The following KLHL15 variants were observed in gnomAD, a reference collection of about 807,000 sequenced individuals.
The protein encoded by KLHL15 is kelch-like protein 15.
KLHL15 carries 1 observed loss-of-function variant against 29.3 expected under a neutral mutation model. The observed-to-expected ratio is 0.03, with a 90% CI of 0.01 to 0.16. The LOEUF (loss-of-function observed/expected upper bound fraction) is 0.16. Ranked by LOEUF, KLHL15 falls within the 10% of genes least tolerant of loss-of-function variation. The pLI is 1.00. For synonymous variants in KLHL15, 212 were observed against 184.5 expected, an observed-to-expected ratio of 1.15 and a Z score of -1.21; for missense variants, 215 against 478.5, an observed-to-expected ratio of 0.45 and a Z score of 5.14.
In KLHL15 at chrX:23,986,074, T is replaced by C. The variant is rs1431369677; in HGVS notation, c.*1847A>G. ...TCTCATATATAAAATAAGATTATTA[T>C]TGATTTTTGAAATCAATGCCAATGG... is the stretch of plus-strand genomic sequence containing the variant. On this transcript the variant is annotated 3_prime_UTR_variant, in exon 4 of 4. Coordinates refer to ENST00000328046, the MANE Select transcript of KLHL15 (RefSeq NM_030624.3). 9.2e-6 allele frequency: 1 copy of C among 109,139 alleles called. No homozygotes were observed. The highest frequency in any genetic ancestry group is 3.3e-5 in the African/African-American group (1 of 30,658). The allele number at this position is 109,139 out of a possible 1,213,427, so 9.0% of individuals were successfully genotyped here.
chrX:23,984,885 G>A lies in KLHL15; in HGVS notation c.*3036C>T, dbSNP rs1928959279. ...TTAGAAAAGATAAGTGAAGGGCTCA[G>A]TCAGTATTTCACAAATTCTAGTAAC... On this transcript the variant is annotated 3_prime_UTR_variant, in exon 4 of 4. Transcript: ENST00000328046. 1 of 112,283 alleles carries A rather than the reference G, an allele frequency of 8.9e-6. No individual in the cohort carries two copies. Among genetic ancestry groups the A allele is most frequent in the South Asian group, 3.6e-4 (1 of 2,763 alleles). 9.3% of individuals were successfully genotyped at this position (112,283 alleles called of 1,213,427 possible).
chrX:23,991,076 G>A (rs780652356), intron 3 of KLHL15, among the ~76,000 whole-genome samples: 2 of 110,221 alleles, frequency 1.8e-5, no homozygotes, highest in Non-Finnish European at 3.8e-5. Context: ...ACATTGGCCA[G>A]GCACGGTGGC....
At chrX:23,989,193 C>CTTT (rs780131307) in intron 3 of KLHL15, among the ~76,000 whole-genome samples, 163 bp from the exon 4 acceptor site, 2 of 101,472 alleles carry the variant, frequency 2.0e-5, no homozygotes, top group African/African-American at 7.2e-5. Context: ...TTTAAAAAAT[C>CTTT]TTTTTTTTTT....
At position 24,026,020 on chromosome X, in the gene KLHL15, C is replaced by T. The variant is rs772762710; in HGVS notation, c.-209-962G>A. Among the ~76,000 whole-genome samples, 140 of 111,087 alleles carry T rather than the reference C, an allele frequency of 1.3e-3. 2 individuals carry two copies. The highest frequency in any genetic ancestry group is 4.4e-3 in the African/African-American group (136 of 30,686). The stretch of plus-strand genomic sequence containing the variant: ...AAGCCAGGAAAGTGTCTTTTTGCAT[C>T]TTGGCCACGGTGGGGGTGGGGGAAT... On this transcript the variant is annotated intron_variant, in intron 1 of 3. Transcript: ENST00000328046.
chrX:24,003,365 G>A (rs1167703691), intron 3 of KLHL15, among the ~76,000 whole-genome samples: 1 of 102,425 alleles, frequency 9.8e-6, no homozygotes, highest in Non-Finnish European at 1.9e-5. Flanking sequence ...CTAACACAGT[G>A]AAACCCCGTC....
chrX:23,998,941 T>C (rs975724099), intron 3 of KLHL15, among the ~76,000 whole-genome samples: 1 of 111,529 alleles, frequency 9.0e-6, no homozygotes, highest in Non-Finnish European at 1.9e-5. Context: ...GTTTCGCTCT[T>C]GCTGCCCAGG....
At chrX:24,020,166 G>A (rs2147111468) in intron 2 of KLHL15, among the ~76,000 whole-genome samples, 1 of 112,190 alleles carries the variant, frequency 8.9e-6, no homozygotes, top group African/African-American at 3.2e-5. Context: ...GGCTTACTAC[G>A]GATAAAAACA....
intron 2 of KLHL15, among the ~76,000 whole-genome samples, chrX:24,018,977 C>G (rs942412800): frequency 2.7e-5 from 3 of 111,192 alleles, no homozygotes; most frequent in South Asian, 3.8e-4. Context: ...CCAGCCAGGG[C>G]GACAGAGCAA....
chrX:23,995,028 G>A (rs1911005766), intron 3 of KLHL15, among the ~76,000 whole-genome samples: 1 of 111,115 alleles, frequency 9.0e-6, no homozygotes, highest in Non-Finnish European at 1.9e-5. Context: ...TTAATTGTGT[G>A]TGCATGTATG....
rs1181456733 is a variant in KLHL15 at position 23,988,042 on chromosome X, G to A, written c.1694C>T (p.Pro565Leu). 5.0e-6 allele frequency: 6 copies of A among 1,210,866 alleles called. No homozygotes were observed. The highest frequency in any genetic ancestry group is 6.7e-6 in the Non-Finnish European group (6 of 895,158). ...HYSDSILTFDPDENKWKEDEY... is the reference protein window; with the variant it reads ...HYSDSILTFDLDENKWKEDEY... ...ATCTTCCTTCCACTTGTTTTCATCC[G>A]GATCAAAAGTGAGGATGGAATCGCT... The change falls in exon 4 of 4, where the codon CCG becomes CTG. Residue 565 changes from proline (P) to leucine (L), a missense_variant. By Grantham distance (98) the Pro-to-Leu change is moderately conservative. Coordinates refer to ENST00000328046, the MANE Select transcript of KLHL15 (RefSeq NM_030624.3).
At chrX:24,000,808 T>C (rs771702313) in intron 3 of KLHL15, among the ~76,000 whole-genome samples, 10 of 112,544 alleles carry the variant, frequency 8.9e-5, no homozygotes, top group Non-Finnish European at 7.5e-5. Context: ...CACCTACAGT[T>C]TACATAGATG....
At chrX:24,018,249 G>C (rs1259792310) in intron 2 of KLHL15, among the ~76,000 whole-genome samples, 3 of 112,015 alleles carry the variant, frequency 2.7e-5, no homozygotes, top group Admixed American at 1.9e-4. Flanking sequence ...AGAAAAAAAC[G>C]AATCATTGTA....
At chrX:24,026,087 T>C (rs1292892305) in intron 1 of KLHL15, among the ~76,000 whole-genome samples, 1 of 112,141 alleles carries the variant, frequency 8.9e-6, no homozygotes, top group Admixed American at 9.4e-5. Flanking sequence ...CTACCTGTTA[T>C]AAAAGTGACT....
intron 3 of KLHL15, among the ~76,000 whole-genome samples, chrX:24,004,100 G>T (rs150033073): frequency 0.021 from 2,373 of 110,747 alleles, 32 homozygotes; most frequent in Non-Finnish European, 0.034. Context: ...AACGAATGGG[G>T]GCTTTTCCTT....
At position 24,003,562 on chromosome X, in the gene KLHL15, C is replaced by CAA. The variant is rs57011870; in HGVS notation, c.705+2425_705+2426dup. ...AGTGAGACTCCGTCTCAAAAAAAAC[C>CAA]AAAAAAAAAAAAACAAAAAAAAACC... On this transcript the variant is annotated intron_variant, in intron 3 of 3. Coordinates refer to ENST00000328046, the MANE Select transcript of KLHL15 (RefSeq NM_030624.3). Among the ~76,000 whole-genome samples, 325 of 64,298 alleles carry CAA rather than the reference C, an allele frequency of 5.1e-3. 2 individuals carry two copies. Among genetic ancestry groups the CAA allele is most frequent in the African/African-American group, 0.018 (304 of 16,768 alleles). The allele number at this position is 64,298 out of a possible 115,157, so 55.8% of individuals were successfully genotyped here. A position where few individuals can be genotyped will look rare whatever the true frequency, so the allele number is the denominator to read the frequency against.
At chrX:24,018,585 T>C (rs1929740153) in intron 2 of KLHL15, among the ~76,000 whole-genome samples, 1 of 111,680 alleles carries the variant, frequency 9.0e-6, no homozygotes, top group African/African-American at 3.3e-5. Context: ...TGCCTAAGAA[T>C]GATTAGTATA....
Position 23,995,919 on chromosome X carries a change from T to G in KLHL15, c.706-6889A>C, listed in dbSNP as rs553172537. On this transcript the variant is annotated intron_variant, in intron 3 of 3. Transcript: ENST00000328046. ...CATGCCACCATGCCCGGCTAATTTT[T>G]TGTATTTTTAGTAGAAATGGGGTTT... Among the ~76,000 whole-genome samples the G allele has an allele frequency of 5.2e-4, 58 of 110,840 alleles. 2 individuals carry two copies. In the South Asian group the frequency reaches 0.019, roughly 37 times the overall value.
chrX:24,015,666 G>A (rs1351560431), intron 2 of KLHL15, among the ~76,000 whole-genome samples: 1 of 112,416 alleles, frequency 8.9e-6, no homozygotes, highest in Non-Finnish European at 1.9e-5. Flanking sequence ...TTAGCTCTGT[G>A]ATATTGGGGC....
intron 3 of KLHL15, among the ~76,000 whole-genome samples, chrX:23,997,754 A>ATTTT (rs1555975595): frequency 1.5e-5 from 1 of 67,194 alleles, no homozygotes; most frequent in Non-Finnish European, 2.4e-5. Context: ...AAAAAAAAAA[A>ATTTT]TTTTTTTTTT....
Sources: gnomAD v4.1 joint callset for allele counts (sites outside exome capture counted in the v4.1 genomes callset) on GRCh38, gnomAD v4.1.1 for gene constraint, MANE v1.5 for transcripts, NCBI Gene and HGNC (gene_info 2026-07-23, HGNC 2026-07-21) for gene names.